ZC3H7B: variants seen among roughly 807,000 people sequenced by gnomAD.
The protein encoded by ZC3H7B is zinc finger CCCH-type containing 7B, also known as zinc finger CCCH domain-containing protein 7B.
A neutral mutation model predicts 116.0 loss-of-function variants in ZC3H7B; 35 were observed. The observed-to-expected ratio is 0.30, with a 90% confidence interval of 0.23 to 0.40. The LOEUF is 0.40. Ranked by LOEUF, ZC3H7B falls within the 10% of genes least tolerant of loss-of-function variation. ZC3H7B has a pLI of 1.00. For missense variants in ZC3H7B, 1,011 were observed against 1,321.5 expected (o/e 0.77, Z 3.64); for synonymous variants, 502 against 545.6 (o/e 0.92, Z 1.11).
At chr22:41,332,738 A>T (rs2036398335) in intron 7 of ZC3H7B, 1 of 154,026 alleles carries the variant, frequency 6.5e-6, no homozygotes, top group Admixed American at 6.5e-5. Context: ...GGAAGAGCCC[A>T]ACTGGGCCCT....
In ZC3H7B at chr22:41,349,140, G is replaced by C. The variant is rs373103403; in HGVS notation, c.1787G>C (p.Arg596Pro). ...YNNKCLVHIV[R>P]STSLKYSKIR... is the part of the protein sequence containing the mutation. ...GCCAGGTGCCTGGTGCACATCGTCC[G>C]CTCCACCTCCCTCAAGTACTCCAAG... The change falls in exon 16 of 23, where the codon CGC becomes CCC. Residue 596 changes from arginine to proline, a missense_variant. Around this residue, in one of 5 missense-constraint regions of ZC3H7B, gnomAD observed 406 missense variants for 590.2 expected, o/e 0.69. Transcript: ENST00000352645. The surrounding 1 kb of genome is among the most constrained non-coding windows in gnomAD (Gnocchi z 4.9). 1 of 1,613,696 alleles carries C rather than the reference G, an allele frequency of 6.2e-7. No individual in the cohort carries two copies. Among genetic ancestry groups the C allele is most frequent in the East Asian group, 2.2e-5 (1 of 44,884 alleles).
chr22:41,353,829 G>A (rs1452879011), intron 17 of ZC3H7B, among the ~76,000 whole-genome samples: 1 of 142,644 alleles, frequency 7.0e-6, no homozygotes, highest in Non-Finnish European at 1.5e-5. Context: ...GGTCCCTGCT[G>A]CCCTCCATCA....
chr22:41,344,087 C>T (rs934261282), intron 13 of ZC3H7B, among the ~76,000 whole-genome samples: 1 of 152,244 alleles, frequency 6.6e-6, no homozygotes, highest in Non-Finnish European at 1.5e-5. Flanking sequence ...TAGCTTCTTT[C>T]TGGTCCCAGC....
In ZC3H7B at chr22:41,325,535, C is replaced by T. The variant is rs28628848; in HGVS notation, c.54-29C>T. On this transcript the variant is annotated intron_variant, in intron 2 of 22. Coordinates refer to ENST00000352645, the MANE Select transcript of ZC3H7B (RefSeq NM_017590.6). ...ATGAAGCTGGGACCGCCGGGCTCACCCAGGCCTCGTGTTTTCTTTTCCTGA... is the reference window on the plus strand; with the variant it reads ...ATGAAGCTGGGACCGCCGGGCTCACTCAGGCCTCGTGTTTTCTTTTCCTGA... 7.4e-3 allele frequency: 11,867 copies of T among 1,602,584 alleles called. 725 individuals carry two copies. The African/African-American group carries it at 0.14, about 18-fold the overall frequency.
chr22:41,332,160 ATC>A lies in ZC3H7B; in HGVS notation c.526-7_526-6del. The A allele has an allele frequency of 6.2e-7, 1 of 1,613,916 alleles. No homozygotes were observed. The highest frequency in any genetic ancestry group is 8.5e-7 in the Non-Finnish European group (1 of 1,179,934). ...CTTTACCTCTGCCCACCTCTCTCCAATCTCTGGCAGGAATTGGAAACCTTTTC... is the reference window on the plus strand; with the variant it reads ...CTTTACCTCTGCCCACCTCTCTCCAATCTGGCAGGAATTGGAAACCTTTTC... On this transcript the variant is annotated splice_polypyrimidine_tract_variant and intron_variant, in intron 6 of 22. Coordinates refer to ENST00000352645, the MANE Select transcript of ZC3H7B (RefSeq NM_017590.6).
intron 6 of ZC3H7B, 84 bp downstream of exon 6, chr22:41,330,187 G>T: frequency 1.4e-6 from 2 of 1,469,240 alleles, no homozygotes; most frequent in Non-Finnish European, 1.9e-6. Flanking sequence ...GGGAAGGTGG[G>T]TGAGGGTGGC....
Position 41,348,128 on chromosome 22 carries a change from G to C in ZC3H7B, c.1727G>C (p.Cys576Ser), listed in dbSNP as rs1347647827. The change falls in exon 15 of 23, where the codon TGC (cysteine) becomes TCC (serine). Residue 576 changes from cysteine (C) to serine (S), a missense_variant. Physicochemically the swap from Cys to Ser is moderately radical, Grantham distance 112. Around this residue, in one of 5 missense-constraint regions of ZC3H7B, gnomAD observed 406 missense variants for 590.2 expected, o/e 0.69. Transcript: ENST00000352645. ...GGCACCAAGGACTCTCCGTCTGTCT[G>C]CTCCAACCTGGCTGCCAAGCACAGC... ...SKGTKDSPSV[C>S]SNLAAKHSFY... The C allele has an allele frequency of 6.2e-7, 1 of 1,613,826 alleles. No homozygotes were observed. The highest frequency in any genetic ancestry group is 8.5e-7 in the Non-Finnish European group (1 of 1,179,944).
At position 41,338,850 on chromosome 22, in the gene ZC3H7B, C is replaced by G. The variant is rs2036478793; in HGVS notation, c.626-151C>G. On this transcript the variant is annotated intron_variant, in intron 8 of 22. Coordinates refer to ENST00000352645, the MANE Select transcript of ZC3H7B (RefSeq NM_017590.6). This position sits in a 1 kb window ranked among gnomAD's most constrained non-coding sequence, Gnocchi z 4.5. Reference sequence around the variant, plus strand: ...TCCTTGACCACCCCCTGAGCATCTGCCAGTGGGATCAGCCGATGGGGAAGG... The same window carrying G: ...TCCTTGACCACCCCCTGAGCATCTGGCAGTGGGATCAGCCGATGGGGAAGG... 2 of 880,570 alleles carry G rather than the reference C, an allele frequency of 2.3e-6. No homozygotes were observed. The highest frequency in any genetic ancestry group is 3.4e-6 in the Non-Finnish European group (2 of 590,684). 54.5% of individuals were successfully genotyped at this position (880,570 alleles called of 1,614,324 possible).
intron 5 of ZC3H7B, 113 bp from the exon 6 acceptor site, chr22:41,329,910 C>T: frequency 9.4e-7 from 1 of 1,065,558 alleles, no homozygotes; most frequent in Non-Finnish European, 1.3e-6. Flanking sequence ...ACTTTCTCAT[C>T]TATAACATGG....
intron 2 of ZC3H7B, 73 bp from the exon 3 acceptor site, chr22:41,325,491 G>A: frequency 1.3e-6 from 2 of 1,560,020 alleles, no homozygotes; most frequent in South Asian, 2.3e-5. Flanking sequence ...CTGAGTTGGA[G>A]GAGTAGCTCT....
intron 7 of ZC3H7B, chr22:41,332,619 C>T (rs534566528): frequency 4.2e-5 from 8 of 191,366 alleles, no homozygotes; most frequent in African/African-American, 1.2e-4. Flanking sequence ...TCTGTCTTTT[C>T]GCTTTTCAAA....
chr22:41,342,002 C>T (rs1470120486), intron 11 of ZC3H7B, among the ~76,000 whole-genome samples: 4 of 149,422 alleles, frequency 2.7e-5, no homozygotes, highest in East Asian at 2.0e-4. Context: ...GTGGAGGTTG[C>T]GGTGAGCTGA....
At chr22:41,316,519 C>T (rs1175666624) in intron 1 of ZC3H7B, among the ~76,000 whole-genome samples, 1 of 151,324 alleles carries the variant, frequency 6.6e-6, no homozygotes, top group Admixed American at 6.6e-5. Flanking sequence ...TGGTCTCAAA[C>T]TCCTGACCTC....
chr22:41,340,468 G>A (rs1385991928), intron 10 of ZC3H7B, among the ~76,000 whole-genome samples: 1 of 152,120 alleles, frequency 6.6e-6, no homozygotes, highest in Non-Finnish European at 1.5e-5. Flanking sequence ...CTGAGGCTGG[G>A]GGCGGAGCAC....
chr22:41,332,301 A>G (rs1253072801), intron 7 of ZC3H7B, 74 bp downstream of exon 7: 5 of 1,583,348 alleles, frequency 3.2e-6, no homozygotes, highest in Non-Finnish European at 3.5e-6. Context: ...CTCCGGGTAT[A>G]AATGACCTCA....
At chr22:41,345,730 C>T (rs1569241480) in intron 13 of ZC3H7B, among the ~76,000 whole-genome samples, 1 of 152,258 alleles carries the variant, frequency 6.6e-6, no homozygotes. Flanking sequence ...GAATTTTCAG[C>T]CCTGCCAAGT....
chr22:41,340,759 G>A (rs1433446652), intron 10 of ZC3H7B, among the ~76,000 whole-genome samples: 4 of 152,214 alleles, frequency 2.6e-5, no homozygotes, highest in Non-Finnish European at 5.9e-5. Context: ...GGCATGGCAT[G>A]GCGCGGGGCT....
At position 41,309,008 on chromosome 22, in the gene ZC3H7B, C is replaced by CT. The variant is rs57147100; in HGVS notation, c.-7+7257dup. Among the ~76,000 whole-genome samples the CT allele has an allele frequency of 7.2e-3, 743 of 103,270 alleles. 24 individuals are homozygous for CT. Among genetic ancestry groups the CT allele is most frequent in the Middle Eastern group, 0.014 (2 of 142 alleles). 67.7% of individuals were successfully genotyped at this position (103,270 alleles called of 152,430 possible). A position where few individuals can be genotyped will look rare whatever the true frequency, so the allele number is the denominator to read the frequency against. On this transcript the variant is annotated intron_variant, in intron 1 of 22. Transcript: ENST00000352645. Reference sequence around the variant, plus strand: ...GGGCCTTCCCTAAACTCCCAGTCTGCTTTTTTTTTTTTTTTTTTTTTGAGA... The same window carrying CT: ...GGGCCTTCCCTAAACTCCCAGTCTGCTTTTTTTTTTTTTTTTTTTTTTGAGA...
intron 7 of ZC3H7B, 179 bp downstream of exon 7, chr22:41,332,406 G>A (rs1380316357): frequency 6.7e-6 from 5 of 748,108 alleles, no homozygotes; most frequent in Non-Finnish European, 6.6e-6. Flanking sequence ...TGTTGGCAGG[G>A]AGTGGTCATT....
Sources: allele counts gnomAD v4.1 joint callset (sites outside exome capture counted in the v4.1 genomes callset), GRCh38; gene constraint gnomAD v4.1.1; regional missense constraint gnomAD v4.1.1; non-coding constraint Gnocchi (gnomAD v3.1); transcripts MANE v1.5; gene names NCBI Gene and HGNC (gene_info 2026-07-23, HGNC 2026-07-21).